Variants in FRMD4B observed in about 807,000 individuals in gnomAD.
FRMD4B encodes the protein FERM domain containing 4B.
Under a neutral mutation model 141.5 loss-of-function variants are expected in FRMD4B, and 74 were observed. The ratio of observed to expected loss-of-function variants is 0.52; its 90% CI spans 0.43 to 0.63. The LOEUF (loss-of-function observed/expected upper bound fraction) is 0.63, where lower values mean the gene tolerates loss of function less well. Ranked by LOEUF, FRMD4B falls within the 30% of genes least tolerant of loss-of-function variation. FRMD4B has a pLI of 0.00. For synonymous variants in FRMD4B, 506 were observed against 467.9 expected (o/e 1.08, Z -1.05); for missense variants, 1,366 against 1,253.4 (o/e 1.09, Z -1.36).
At chr3:69,340,112 C>A (rs371634050) in intron 1 of FRMD4B, among the ~76,000 whole-genome samples, 2 of 152,090 alleles carry the variant, frequency 1.3e-5, no homozygotes, top group African/African-American at 4.8e-5. Context: ...GCCTGACTAA[C>A]CCAACTCATC....
chr3:69,315,972 T>C (rs564396410), intron 1 of FRMD4B, among the ~76,000 whole-genome samples: 1 of 152,352 alleles, frequency 6.6e-6, no homozygotes, highest in East Asian at 1.9e-4. Context: ...TTTATATACA[T>C]TATTTCTGAG....
chr3:69,249,419 C>A (rs1285404511), intron 6 of FRMD4B, among the ~76,000 whole-genome samples, 171 bp from the exon 7 acceptor site: 1 of 152,134 alleles, frequency 6.6e-6, no homozygotes, highest in Non-Finnish European at 1.5e-5. Context: ...GATAAGAAAA[C>A]CCTGACTGTC....
intron 1 of FRMD4B, among the ~76,000 whole-genome samples, chr3:69,455,638 G>A (rs79574961): frequency 2.0e-5 from 3 of 152,292 alleles, no homozygotes; most frequent in Admixed American, 2.0e-4. Context: ...GCGAGGGTCC[G>A]TGGCTTCATT....
chr3:69,414,927 G>A (rs532770163), intron 2 of FRMD4B, among the ~76,000 whole-genome samples: 4 of 143,606 alleles, frequency 2.8e-5, no homozygotes, highest in South Asian at 2.3e-4. Context: ...GTGCAGTAGC[G>A]AGATCTCGGC....
intron 1 of FRMD4B, among the ~76,000 whole-genome samples, chr3:69,363,899 T>G (rs1437510190): frequency 6.6e-6 from 1 of 152,142 alleles, no homozygotes; most frequent in Non-Finnish European, 1.5e-5. Context: ...CAGAGACAAT[T>G]TGGTGATCAC....
Position 69,289,048 on chromosome 3 carries a change from GC to G in FRMD4B, c.417-1213del, listed in dbSNP as rs567996579. 1.3e-3 allele frequency among the ~76,000 whole-genome samples: 201 copies of G among 152,272 alleles called. 1 individual carries two copies. The highest frequency in any genetic ancestry group is 4.7e-3 in the African/African-American group (195 of 41,572). ...AAATCCTTTGTATTTTTACTTACAA[GC>G]TTTTATCTCACTTGTAAGTGAGGTT... On this transcript the variant is annotated intron_variant, in intron 4 of 22. Coordinates refer to ENST00000398540, the MANE Select transcript of FRMD4B (RefSeq NM_015123.3).
intron 1 of FRMD4B, among the ~76,000 whole-genome samples, chr3:69,524,733 G>A (rs1045045786): frequency 6.6e-6 from 1 of 152,166 alleles, no homozygotes; most frequent in Non-Finnish European, 1.5e-5. Context: ...CTTTAAATGG[G>A]AATAACTCAG....
chr3:69,183,926 C>G (rs543236419), intron 19 of FRMD4B, among the ~76,000 whole-genome samples: 2 of 151,798 alleles, frequency 1.3e-5, no homozygotes, highest in African/African-American at 4.8e-5. Flanking sequence ...GATGGAGTCT[C>G]GCTCTGTCAT....
upstream of FRMD4B, among the ~76,000 whole-genome samples, chr3:69,386,575 A>G (rs926072857): frequency 2.6e-4 from 5 of 19,580 alleles, no homozygotes; most frequent in Non-Finnish European, 5.5e-4. Flanking sequence ...GAGAGAGAGA[A>G]AAAAAAAAAT....
chr3:69,423,920 C>A (rs1388391267), intron 2 of FRMD4B, among the ~76,000 whole-genome samples: 2 of 152,128 alleles, frequency 1.3e-5, no homozygotes, highest in Admixed American at 1.3e-4. Context: ...AAATACATTT[C>A]TGTTGTTTAT....
chr3:69,531,001 T>C (rs559357398), intron 1 of FRMD4B, among the ~76,000 whole-genome samples: 6 of 152,168 alleles, frequency 3.9e-5, no homozygotes, highest in Non-Finnish European at 7.3e-5. Flanking sequence ...ATAGAAGAAG[T>C]ATAACTGGCA....
intron 1 of FRMD4B, among the ~76,000 whole-genome samples, chr3:69,530,380 A>C (rs1263108843): frequency 6.6e-6 from 1 of 152,242 alleles, no homozygotes; most frequent in Admixed American, 6.5e-5. Flanking sequence ...GCTAGTTGTT[A>C]AAAAGAGTCT....
At chr3:69,403,236 C>T (rs772673525) in intron 2 of FRMD4B, among the ~76,000 whole-genome samples, 1 of 152,188 alleles carries the variant, frequency 6.6e-6, no homozygotes, top group Non-Finnish European at 1.5e-5. Flanking sequence ...ATCATTCCTT[C>T]CTGATATTCC....
intron 5 of FRMD4B, among the ~76,000 whole-genome samples, chr3:69,261,778 T>C (rs1369282944): frequency 1.3e-5 from 2 of 152,110 alleles, no homozygotes; most frequent in Non-Finnish European, 2.9e-5. Context: ...GATCAAGCAA[T>C]TCTCCTGCCT....
chr3:69,203,451 ATTTC>A (rs918653830), intron 11 of FRMD4B, among the ~76,000 whole-genome samples: 2 of 151,928 alleles, frequency 1.3e-5, no homozygotes, highest in African/African-American at 2.4e-5. Context: ...TCATTTATCC[ATTTC>A]TTTTCCATCA....
rs1313610945 is a variant in FRMD4B, at chr3:69,181,540, C to T, written c.2210G>A (p.Ser737Asn). The part of the protein sequence containing the change: ...DDGSSYTSQS[S>N]TEYYCVTPVT... ...TGGTGTCACACAGTAATACTCTGTG[C>T]TTGATTGGCTTGTATAAGAAGACCC... Residue 737 changes from serine (S) to asparagine (N), a missense_variant, in exon 21 of 23, where the codon AGC becomes AAC. By Grantham distance (46) the Ser-to-Asn change is conservative. Transcript: ENST00000398540. 6.2e-7 allele frequency: 1 copy of T among 1,613,888 alleles called. No homozygotes were observed. The highest frequency in any genetic ancestry group is 8.5e-7 in the Non-Finnish European group (1 of 1,179,838).
intron 1 of FRMD4B, among the ~76,000 whole-genome samples, chr3:69,351,441 G>C (rs1703147477): frequency 6.6e-6 from 1 of 152,118 alleles, no homozygotes; most frequent in East Asian, 1.9e-4. Flanking sequence ...TTTTAGTATG[G>C]TTTTACCTAG....
intron 1 of FRMD4B, among the ~76,000 whole-genome samples, chr3:69,512,759 C>G (rs978728642): frequency 6.6e-6 from 1 of 151,986 alleles, no homozygotes; most frequent in Non-Finnish European, 1.5e-5. Context: ...ATCTTCCCGC[C>G]CAAATAAAAC....
intron 7 of FRMD4B, among the ~76,000 whole-genome samples, chr3:69,234,924 G>T (rs1008591305): frequency 1.3e-5 from 2 of 151,840 alleles, no homozygotes; most frequent in Non-Finnish European, 2.9e-5. Flanking sequence ...TGAGGCGGGC[G>T]GATCACTTGA....
Sources: allele counts gnomAD v4.1 joint callset (sites outside exome capture counted in the v4.1 genomes callset), GRCh38; gene constraint gnomAD v4.1.1; transcripts MANE v1.5; gene names NCBI Gene and HGNC (gene_info 2026-07-23, HGNC 2026-07-21).